PCM1: variants seen among roughly 807,000 people sequenced by gnomAD.
PCM1 encodes pericentriolar material 1, also known as pericentriolar material 1 protein.
A neutral mutation model predicts 241.9 loss-of-function variants in PCM1; 157 were observed. That is an observed-to-expected ratio of 0.65 (90% CI 0.57 to 0.74). The LOEUF is 0.74. Among genes scored for constraint, PCM1 ranks in the 30% least tolerant of loss-of-function variants. The pLI, the probability that PCM1 is intolerant of heterozygous loss-of-function variation, is 0.00. For synonymous variants in PCM1, 1,085 were observed against 784.9 expected (o/e 1.38, Z -6.39); for missense variants, 3,478 against 2,360.1 (o/e 1.47, Z -9.81).
At chr8:17,964,181 T>C (rs2073856845) in intron 17 of PCM1, among the ~76,000 whole-genome samples, 1 of 152,220 alleles carries the variant, frequency 6.6e-6, no homozygotes, top group Admixed American at 6.5e-5. Flanking sequence ...AAGTGCTCAG[T>C]AGCCATGTGT....
chr8:18,014,520 GTA>G, intron 35 of PCM1, 62 bp from the exon 36 acceptor site: 1 of 1,328,608 alleles, frequency 7.5e-7, no homozygotes, highest in Non-Finnish European at 1.0e-6. Flanking sequence ...GTCTTTATTA[GTA>G]TAATAGTAAA....
At chr8:17,933,635 A>G (rs1467977287) in intron 2 of PCM1, among the ~76,000 whole-genome samples, 3 of 152,192 alleles carry the variant, frequency 2.0e-5, no homozygotes, top group Admixed American at 6.5e-5. Flanking sequence ...GAGCCAAATT[A>G]TTACTCCTAG....
In PCM1 at chr8:17,989,868, G is replaced by A; in HGVS notation, c.4420G>A (p.Glu1474Lys). The A allele has an allele frequency of 1.3e-6, 2 of 1,538,800 alleles. No homozygotes were observed. Among genetic ancestry groups the A allele is most frequent in the Non-Finnish European group, 8.8e-7 (1 of 1,138,038 alleles). The change falls in exon 27 of 39, where the codon GAG (glutamate) becomes AAG (lysine). Residue 1474 changes from glutamate to lysine, a missense_variant. Transcript: ENST00000325083. Reference protein sequence around the residue: ...SLATTDDETFEKNFERETHKI... With the variant: ...SLATTDDETFKKNFERETHKI... ...TTTTACTGTAACTTAGGAAACTTTT[G>A]AGAAGAACTTTGAAAGAGAAACCCA...
At chr8:17,981,307 T>G (rs2080701802) in intron 24 of PCM1, among the ~76,000 whole-genome samples, 2 of 152,232 alleles carry the variant, frequency 1.3e-5, no homozygotes, top group Non-Finnish European at 2.9e-5. Flanking sequence ...TGTAAGTTCG[T>G]TTCTCTGCTG....
chr8:17,986,066 G>C lies in PCM1; in HGVS notation c.4389G>C (p.Glu1463Asp), dbSNP rs756589600. 6.3e-7 allele frequency: 1 copy of C among 1,592,308 alleles called. No individual in the cohort carries two copies. The highest frequency in any genetic ancestry group is 8.6e-7 in the Non-Finnish European group (1 of 1,168,764). Residue 1463 changes from glutamate (E) to aspartate (D), a missense_variant, in exon 26 of 39, where the codon GAG becomes GAC. Glu to Asp is a conservative substitution (Grantham distance 45). Coordinates refer to ENST00000325083, the MANE Select transcript of PCM1 (RefSeq NM_006197.4). ...CAAACTCAGAACTTACTCCTAGTGA[G>C]AGCCTTGCTACTACTGATGATGTAA... ...IASNSELTPS[E>D]SLATTDDETF...
intron 2 of PCM1, chr8:17,934,804 C>T (rs746296350): frequency 5.9e-5 from 9 of 152,186 alleles, no homozygotes; most frequent in African/African-American, 1.7e-4. Flanking sequence ...TCATCTCTGC[C>T]TTTGAACCTC....
chr8:17,997,135 G>A (rs1325237254), intron 29 of PCM1, among the ~76,000 whole-genome samples: 2 of 152,164 alleles, frequency 1.3e-5, no homozygotes, highest in African/African-American at 4.8e-5. Context: ...TCTCCTTCGT[G>A]TTTGAAGGAT....
chr8:17,949,500 CTT>C (rs556627460), intron 7 of PCM1, among the ~76,000 whole-genome samples: 21 of 141,670 alleles, frequency 1.5e-4, no homozygotes, highest in Admixed American at 2.1e-4. Context: ...TTTTCTTTAT[CTT>C]TTTTTTTTTT....
chr8:17,993,651 C>T (rs1360576767), intron 29 of PCM1, 32 bp downstream of exon 29: 3 of 1,530,000 alleles, frequency 2.0e-6, no homozygotes, highest in East Asian at 2.4e-5. Context: ...TAAACGAAAC[C>T]TTCTATGTTT....
At position 18,009,622 on chromosome 8, in the gene PCM1, T is replaced by G. The variant is rs1167753350; in HGVS notation, c.5038T>G (p.Leu1680Val). 2.5e-6 allele frequency: 4 copies of G among 1,596,678 alleles called. No individual in the cohort carries two copies. The highest frequency in any genetic ancestry group is 2.6e-6 in the Non-Finnish European group (3 of 1,171,438). Reference protein sequence around the residue: ...EDLLVEISEVLFNELAFFKLM... With the variant: ...EDLLVEISEVVFNELAFFKLM... ...TCTTCTTGTAGAGATATCTGAAGTG[T>G]TGTTCAATGAATTGGCTTTCTTTAA... The change falls in exon 31 of 39, where the codon TTG (leucine) becomes GTG (valine). Residue 1680 changes from leucine (L) to valine (V), a missense_variant. Physicochemically the swap from Leu to Val is conservative, Grantham distance 32. Coordinates refer to ENST00000325083, the MANE Select transcript of PCM1 (RefSeq NM_006197.4).
chr8:18,021,507 A>T (rs1435813262), intron 36 of PCM1, among the ~76,000 whole-genome samples: 1 of 152,212 alleles, frequency 6.6e-6, no homozygotes, highest in Non-Finnish European at 1.5e-5. Context: ...AGAAAGGCTG[A>T]TGCCACAACA....
At chr8:17,950,571 G>A (rs767938023) in intron 7 of PCM1, 44 bp from the exon 8 acceptor site, 2 of 944,458 alleles carry the variant, frequency 2.1e-6, no homozygotes, top group South Asian at 1.5e-5. Flanking sequence ...TAAAAAAGGT[G>A]TTTGATTATT....
intron 12 of PCM1, 48 bp downstream of exon 12, chr8:17,957,469 A>C: frequency 1.9e-6 from 3 of 1,607,282 alleles, no homozygotes; most frequent in South Asian, 2.2e-5. Flanking sequence ...TATTCTTACA[A>C]AGTGGGTTTT....
intron 2 of PCM1, chr8:17,926,761 A>G (rs920169040): frequency 2.6e-5 from 4 of 152,200 alleles, no homozygotes; most frequent in Non-Finnish European, 4.4e-5. Context: ...GAGAGAAACG[A>G]TCAAGGGGCT....
At chr8:17,949,916 C>T (rs2065357902) in intron 7 of PCM1, among the ~76,000 whole-genome samples, 1 of 152,058 alleles carries the variant, frequency 6.6e-6, no homozygotes, top group Non-Finnish European at 1.5e-5. Flanking sequence ...AATATGGGGG[C>T]ATTTTTTTTA....
intron 6 of PCM1, among the ~76,000 whole-genome samples, chr8:17,944,185 T>C (rs1268933265): frequency 6.6e-6 from 1 of 152,202 alleles, no homozygotes; most frequent in African/African-American, 2.4e-5. Context: ...GAGATTGCCC[T>C]GTCTTTTAAA....
In PCM1 at chr8:18,025,525, T is replaced by TTTAA. The variant is rs1318821613; in HGVS notation, c.5935-16_5935-13dup. On this transcript the variant is annotated intron_variant, in intron 37 of 38. Transcript: ENST00000325083. ...GTTAAAATGAAAAATGATTTGTATT[T>TTTAA]TTAATTTTCATTCCAAAGGCAGATC... 2 of 1,551,900 alleles carry TTTAA rather than the reference T, an allele frequency of 1.3e-6. No homozygotes were observed. Among genetic ancestry groups the TTTAA allele is most frequent in the Non-Finnish European group, 1.8e-6 (2 of 1,134,928 alleles).
intron 30 of PCM1, among the ~76,000 whole-genome samples, chr8:18,007,476 G>A (rs376771): frequency 0.76 from 115,289 of 152,166 alleles, 44,116 homozygotes; most frequent in Middle Eastern, 0.8. Context: ...GAATAAGGCT[G>A]AAAGAGAAAT....
At chr8:17,970,261 G>T (rs1351704663) in intron 22 of PCM1, among the ~76,000 whole-genome samples, 1 of 152,032 alleles carries the variant, frequency 6.6e-6, no homozygotes, top group African/African-American at 2.4e-5. Context: ...AGTGTGAAAG[G>T]TTGGCTCCGT....
Sources: allele counts gnomAD v4.1 joint callset (sites outside exome capture counted in the v4.1 genomes callset), GRCh38; gene constraint gnomAD v4.1.1; transcripts MANE v1.5; gene names NCBI Gene and HGNC (gene_info 2026-07-23, HGNC 2026-07-21).